The following TMEM117 variants were observed in gnomAD, a reference collection of about 807,000 sequenced individuals.
TMEM117 encodes the protein transmembrane protein 117.
In TMEM117, 27 loss-of-function variants were observed where a neutral mutation model predicts 52.4. The observed-to-expected ratio is 0.51, with a 90% confidence interval of 0.38 to 0.71. The LOEUF is 0.71. Ranked by LOEUF, TMEM117 falls within the 30% of genes least tolerant of loss-of-function variation. TMEM117 has a pLI of 0.00. For synonymous variants in TMEM117, 215 were observed against 206.3 expected (o/e 1.04, Z -0.36); for missense variants, 556 against 630.5 (o/e 0.88, Z 1.26).
chr12:43,804,176 C>A, the TMEM117 span: 1 of 415,790 alleles, frequency 2.4e-6, no homozygotes, highest in Non-Finnish European at 4.8e-6. Context: ...TGATAATCAC[C>A]TGTTTAGTGA....
In TMEM117 at chr12:44,017,262, T is replaced by C. The variant is rs184648559; in HGVS notation, c.410+72920T>C. ...GTGTGTGTGTGTGTGTTTTAGGTGA[T>C]AAATAATTGAAAGTAAAGGTTGGCA... On this transcript the variant is annotated intron_variant, in intron 3 of 7. Transcript: ENST00000266534. Among the ~76,000 whole-genome samples, 315 of 151,780 alleles carry C rather than the reference T, an allele frequency of 2.1e-3. 3 individuals are homozygous for C. The highest frequency in any genetic ancestry group is 0.017 in the Middle Eastern group (5 of 290).
rs12299533 is a variant in TMEM117 at position 43,904,116 on chromosome 12, T to G, written c.278-40094T>G. Among the ~76,000 whole-genome samples, 1,004 of 152,354 alleles carry G rather than the reference T, an allele frequency of 6.6e-3. 10 individuals are homozygous for G. Among genetic ancestry groups the G allele is most frequent in the African/African-American group, 0.023 (937 of 41,586 alleles). On this transcript the variant is annotated intron_variant, in intron 2 of 7. Transcript: ENST00000266534. Reference sequence around the variant, plus strand: ...ATCAGTTTGCATGAACAACTTGACATGTTCACAAATTAAAAAGAATGATTT... The same window carrying G: ...ATCAGTTTGCATGAACAACTTGACAGGTTCACAAATTAAAAAGAATGATTT...
chr12:44,176,700 AT>A (rs965864371), intron 4 of TMEM117, among the ~76,000 whole-genome samples: 7 of 152,098 alleles, frequency 4.6e-5, no homozygotes, highest in Non-Finnish European at 1.0e-4. Flanking sequence ...AAAAGGAAAT[AT>A]TTTTCCCTTT....
At chr12:44,237,613 A>C (rs1950013425) in intron 5 of TMEM117, among the ~76,000 whole-genome samples, 1 of 151,990 alleles carries the variant, frequency 6.6e-6, no homozygotes, top group Admixed American at 6.6e-5. Context: ...GCTACTTGGG[A>C]GGCTGAGTCA....
At chr12:44,209,411 G>A (rs2138392800) in intron 4 of TMEM117, among the ~76,000 whole-genome samples, 1 of 152,070 alleles carries the variant, frequency 6.6e-6, no homozygotes, top group African/African-American at 2.4e-5. Context: ...TAATTTAAAA[G>A]GATCAAGAAG....
intron 3 of TMEM117, among the ~76,000 whole-genome samples, chr12:43,971,431 C>A (rs1057333316): frequency 2.2e-4 from 34 of 152,204 alleles, no homozygotes; most frequent in Admixed American, 7.2e-4. Context: ...AATTTTTGCC[C>A]AAAGGCTAAG....
chr12:44,157,279 G>T (rs565435940), intron 4 of TMEM117, among the ~76,000 whole-genome samples: 3 of 152,220 alleles, frequency 2.0e-5, no homozygotes, highest in East Asian at 1.9e-4. Flanking sequence ...TGCTCAGGGG[G>T]TGGCTTATTT....
chr12:43,852,238 T>C (rs1731450), intron 2 of TMEM117, among the ~76,000 whole-genome samples: 104,257 of 150,900 alleles, frequency 0.69, 40,260 homozygotes, highest in East Asian at 0.87. Context: ...GAGACCATCC[T>C]GGCTAACACG....
At chr12:44,384,448 G>C (rs973886917) in intron 7 of TMEM117, among the ~76,000 whole-genome samples, 3 of 152,040 alleles carry the variant, frequency 2.0e-5, no homozygotes, top group African/African-American at 7.2e-5. Flanking sequence ...TCTTCTGTGG[G>C]GGAGAGGTAG....
the TMEM117 span, among the ~76,000 whole-genome samples, chr12:43,826,384 C>G: frequency 6.6e-6 from 1 of 152,200 alleles, no homozygotes; most frequent in Non-Finnish European, 1.5e-5. Context: ...CTCAGTACCC[C>G]CTGAGGCTAG....
chr12:44,015,044 T>A (rs539138029), intron 3 of TMEM117, among the ~76,000 whole-genome samples: 36 of 151,594 alleles, frequency 2.4e-4, no homozygotes, highest in African/African-American at 8.2e-4. Context: ...AAAAAAAAAA[T>A]GGTGGCTACA....
At chr12:44,339,579 A>G (rs974584371) in intron 6 of TMEM117, among the ~76,000 whole-genome samples, 1 of 152,078 alleles carries the variant, frequency 6.6e-6, no homozygotes, top group African/African-American at 2.4e-5. Context: ...TTAATATACT[A>G]TACAGATATC....
the TMEM117 span, among the ~76,000 whole-genome samples, chr12:43,813,144 C>T: frequency 6.6e-6 from 1 of 151,698 alleles, no homozygotes; most frequent in African/African-American, 2.4e-5. Flanking sequence ...GGGTCCATCC[C>T]ACTTGCCTTC....
Position 44,162,604 on chromosome 12 carries a change from C to T in TMEM117, c.510+18980C>T, listed in dbSNP as rs577818345. Among the ~76,000 whole-genome samples, 5 of 152,230 alleles carry T rather than the reference C, an allele frequency of 3.3e-5. No homozygotes were observed. The South Asian group carries it at 1.0e-3, about 32-fold the overall frequency. On this transcript the variant is annotated intron_variant, in intron 4 of 7. Transcript: ENST00000266534. ...TCATTATATCTTGTCCTTTTTCTCCCTCTTCCTTCCAGATGTATCTGTTTA... is the reference window on the plus strand; with the variant it reads ...TCATTATATCTTGTCCTTTTTCTCCTTCTTCCTTCCAGATGTATCTGTTTA...
chr12:44,064,952 G>T (rs948744072), intron 3 of TMEM117, among the ~76,000 whole-genome samples: 5 of 152,106 alleles, frequency 3.3e-5, no homozygotes, highest in African/African-American at 1.2e-4. Context: ...TTATTTGCTT[G>T]ACTATAGTAA....
the TMEM117 span, chr12:43,800,527 G>T: frequency 6.2e-7 from 1 of 1,611,974 alleles, no homozygotes; most frequent in Non-Finnish European, 8.5e-7. Context: ...ATTTTTTGAC[G>T]AACCTATTCA....
chr12:44,100,492 G>T (rs556898122), intron 3 of TMEM117, among the ~76,000 whole-genome samples: 13 of 151,978 alleles, frequency 8.6e-5, no homozygotes, highest in Admixed American at 6.6e-4. Context: ...TTAATGCCAG[G>T]TTCATTCTAT....
the TMEM117 span, among the ~76,000 whole-genome samples, chr12:43,824,416 C>T: frequency 3.3e-5 from 5 of 152,172 alleles, no homozygotes; most frequent in South Asian, 2.1e-4. Flanking sequence ...AGGTGAGTGC[C>T]GCTTCCAGGG....
At position 43,896,576 on chromosome 12, in the gene TMEM117, C is replaced by T. The variant is rs187631130; in HGVS notation, c.278-47634C>T. On this transcript the variant is annotated intron_variant, in intron 2 of 7. Transcript: ENST00000266534. ...GGGTAGGCAACCCCATGTTTTTGAA[C>T]ATTGGATTCATTGTAACAGTCACTT... 2.6e-5 allele frequency among the ~76,000 whole-genome samples: 4 copies of T among 152,278 alleles called. No individual in the cohort carries two copies. The East Asian group carries it at 7.7e-4, about 29-fold the overall frequency.
Sources: gnomAD v4.1 joint callset for allele counts (sites outside exome capture counted in the v4.1 genomes callset) on GRCh38, gnomAD v4.1.1 for gene constraint, MANE v1.5 for transcripts, NCBI Gene and HGNC (gene_info 2026-07-23, HGNC 2026-07-21) for gene names.